GPR176: variants seen among roughly 807,000 people sequenced by gnomAD.
GPR176 encodes G protein-coupled receptor 176.
In GPR176, 26 loss-of-function variants were observed where a neutral mutation model predicts 35.4. The ratio of observed to expected loss-of-function variants is 0.74; its 90% CI spans 0.54 to 1.02. GPR176 has a LOEUF of 1.02. Ranked by LOEUF, GPR176 falls within the 50% of genes least tolerant of loss-of-function variation. GPR176 has a pLI of 0.00. For synonymous variants in GPR176, 278 were observed against 271.3 expected (o/e 1.02, Z -0.24); for missense variants, 597 against 665.3 (o/e 0.90, Z 1.13).
intron 1 of GPR176, among the ~76,000 whole-genome samples, chr15:39,878,199 TCAC>T (rs146567547): frequency 0.013 from 2,003 of 148,514 alleles, 49 homozygotes; most frequent in African/African-American, 0.048. Flanking sequence ...CTAACAGTAG[TCAC>T]CACATTGTAC....
intron 1 of GPR176, among the ~76,000 whole-genome samples, chr15:39,822,719 C>T (rs1401629416): frequency 6.6e-6 from 1 of 152,178 alleles, no homozygotes; most frequent in African/African-American, 2.4e-5. Context: ...AACACCAAAA[C>T]CTAAACAATT....
chr15:39,914,421 C>A (rs979638651), intron 1 of GPR176, among the ~76,000 whole-genome samples: 1 of 148,176 alleles, frequency 6.7e-6, no homozygotes, highest in African/African-American at 2.5e-5. Flanking sequence ...TCAAGCCATT[C>A]TCCTGCTTCA....
chr15:39,875,043 A>G (rs961708902), intron 1 of GPR176, among the ~76,000 whole-genome samples: 1 of 152,188 alleles, frequency 6.6e-6, no homozygotes. Flanking sequence ...ACTCCATCTC[A>G]AAAACAAAAA....
At chr15:39,891,395 G>A (rs954103041) in intron 1 of GPR176, among the ~76,000 whole-genome samples, 2 of 152,162 alleles carry the variant, frequency 1.3e-5, no homozygotes, top group African/African-American at 2.4e-5. Flanking sequence ...TTCTTGCTGT[G>A]TCGCCCAGGC....
rs558580783 is a variant in GPR176 at position 39,877,374 on chromosome 15, A to T, written c.172+42481T>A. Among the ~76,000 whole-genome samples, 11 of 152,242 alleles carry T rather than the reference A, an allele frequency of 7.2e-5. No individual in the cohort carries two copies. The South Asian group carries it at 2.1e-3, about 29-fold the overall frequency. On this transcript the variant is annotated intron_variant, in intron 1 of 2. Transcript: ENST00000561100. ...TCATTTATAGTCATATTCACCCCAAATTCCCCCAAATCCAAATGTAGGCAA... is the reference window on the plus strand; with the variant it reads ...TCATTTATAGTCATATTCACCCCAATTTCCCCCAAATCCAAATGTAGGCAA...
chr15:39,850,594 G>A (rs1252588379), intron 1 of GPR176, among the ~76,000 whole-genome samples: 1 of 152,082 alleles, frequency 6.6e-6, no homozygotes, highest in Non-Finnish European at 1.5e-5. Context: ...AGGGAAGTAG[G>A]TGTGGTTATA....
intron 1 of GPR176, chr15:39,860,802 C>G (rs1472645527): frequency 6.6e-6 from 1 of 152,152 alleles, no homozygotes; most frequent in East Asian, 1.9e-4. Context: ...TTACAACTTT[C>G]CCGATACTGA....
chr15:39,800,946 C>A lies in GPR176; in HGVS notation c.*186G>T. On this transcript the variant is annotated 3_prime_UTR_variant, in exon 3 of 3. Coordinates refer to ENST00000561100, the MANE Select transcript of GPR176 (RefSeq NM_007223.3). The stretch of plus-strand genomic sequence containing the variant: ...GATCACTGAGATGGATACATATACT[C>A]CCTCAATAAAGAGGACACTGGATTT... The A allele has an allele frequency of 1.7e-6, 1 of 586,734 alleles. No homozygotes were observed. The highest frequency in any genetic ancestry group is 3.0e-6 in the Non-Finnish European group (1 of 330,984). The allele number at this position is 586,734 out of a possible 1,614,324, so 36.3% of individuals were successfully genotyped here.
intron 1 of GPR176, among the ~76,000 whole-genome samples, chr15:39,897,325 G>C (rs997642408): frequency 6.6e-6 from 1 of 152,160 alleles, no homozygotes; most frequent in South Asian, 2.1e-4. Context: ...ATAAAAAACT[G>C]TTCCTGAAAG....
chr15:39,919,829 C>A, intron 1 of GPR176, 26 bp downstream of exon 1: 1 of 1,379,860 alleles, frequency 7.2e-7, no homozygotes, highest in South Asian at 1.8e-5. Flanking sequence ...GAGGCCCGGT[C>A]CGGAGGCGCC....
At position 39,901,399 on chromosome 15, in the gene GPR176, TTAAAGTCTCTA is replaced by T. The variant is rs2033272479; in HGVS notation, c.172+18445_172+18455del. ...ACGGAAGGGGCCCTGCCTATTCATA[TTAAAGTCTCTA>T]TATTTTTCCATTTTACCTTCAGCCC... On this transcript the variant is annotated intron_variant, in intron 1 of 2. Transcript: ENST00000561100. Among the ~76,000 whole-genome samples, 28 of 152,342 alleles carry T rather than the reference TTAAAGTCTCTA, an allele frequency of 1.8e-4. 2 individuals are homozygous for T. The South Asian group carries it at 5.0e-3, about 27-fold the overall frequency.
At position 39,801,254 on chromosome 15, in the gene GPR176, G is replaced by A; in HGVS notation, c.1426C>T (p.Leu476Phe). The A allele has an allele frequency of 6.2e-7, 1 of 1,614,122 alleles. No individual in the cohort carries two copies. Among genetic ancestry groups the A allele is most frequent in the South Asian group, 1.1e-5 (1 of 91,092 alleles). ...SETRNSKKRL[L>F]PPLGNTPEEL... ...TCTGGGGTGTTGCCCAAGGGGGGAA[G>A]CAGCCGCTTCTTGCTGTTTCGGGTC... The change falls in exon 3 of 3, where the codon CTT becomes TTT. Residue 476 changes from leucine (L) to phenylalanine (F), a missense_variant. By Grantham distance (22) the Leu-to-Phe change is conservative (BLOSUM62 0). Transcript: ENST00000561100.
At chr15:39,861,092 C>T (rs930713276) in intron 1 of GPR176, among the ~76,000 whole-genome samples, 1 of 152,120 alleles carries the variant, frequency 6.6e-6, no homozygotes, top group Non-Finnish European at 1.5e-5. Context: ...AGTTAACAAA[C>T]TCTAGATGGA....
At chr15:39,815,743 T>A (rs2058020642) in intron 1 of GPR176, among the ~76,000 whole-genome samples, 1 of 152,138 alleles carries the variant, frequency 6.6e-6, no homozygotes, top group Non-Finnish European at 1.5e-5. Flanking sequence ...CCAGGGAGGT[T>A]CCTCAAAAAA....
At chr15:39,854,537 A>T (rs1299586262) in intron 1 of GPR176, among the ~76,000 whole-genome samples, 4 of 152,218 alleles carry the variant, frequency 2.6e-5, no homozygotes, top group Admixed American at 2.0e-4. Context: ...GTTCCCTGAC[A>T]TAGTCTTAGT....
intron 1 of GPR176, among the ~76,000 whole-genome samples, chr15:39,877,583 T>G (rs1009377386): frequency 2.7e-5 from 4 of 150,360 alleles, no homozygotes; most frequent in African/African-American, 7.4e-5. Flanking sequence ...TTGTTTTGAG[T>G]TGGAGCCTTG....
At chr15:39,880,034 C>T (rs1450468362) in intron 1 of GPR176, among the ~76,000 whole-genome samples, 1 of 152,200 alleles carries the variant, frequency 6.6e-6, no homozygotes, top group Non-Finnish European at 1.5e-5. Flanking sequence ...TGAACTTAAC[C>T]TGCTCTTTAC....
chr15:39,857,725 T>G (rs1428328699), intron 1 of GPR176, among the ~76,000 whole-genome samples: 1 of 151,616 alleles, frequency 6.6e-6, no homozygotes, highest in African/African-American at 2.4e-5. Context: ...TCCCAGCACT[T>G]TGGAAGGCCA....
chr15:39,851,910 T>C (rs1243938737), intron 1 of GPR176, among the ~76,000 whole-genome samples: 4 of 152,300 alleles, frequency 2.6e-5, no homozygotes, highest in Admixed American at 6.5e-5. Flanking sequence ...GTCCCTTAAT[T>C]AGACCTTTGA....
Sources: gnomAD v4.1 joint callset for allele counts (sites outside exome capture counted in the v4.1 genomes callset) on GRCh38, gnomAD v4.1.1 for gene constraint, MANE v1.5 for transcripts, NCBI Gene and HGNC (gene_info 2026-07-23, HGNC 2026-07-21) for gene names.